Variants in EHBP1 observed in about 807,000 individuals in gnomAD.
The protein encoded by EHBP1 is EH domain-binding protein 1.
In EHBP1, 55 loss-of-function variants were observed where a neutral mutation model predicts 144.0. The ratio of observed to expected loss-of-function variants is 0.38; its 90% CI spans 0.31 to 0.48. EHBP1 has a LOEUF of 0.48. Ranked by LOEUF, EHBP1 falls within the 20% of genes least tolerant of loss-of-function variation. The pLI is 0.98. For missense variants in EHBP1, 1,200 were observed against 1,364.2 expected (o/e 0.88, Z 1.90); for synonymous variants, 469 against 472.7 (o/e 0.99, Z 0.10).
intron 19 of EHBP1, among the ~76,000 whole-genome samples, chr2:63,012,185 A>G (rs978948845): frequency 2.6e-5 from 4 of 152,004 alleles, no homozygotes; most frequent in Non-Finnish European, 5.9e-5. Context: ...AACAGTTAAT[A>G]TTGTAAAACC....
At chr2:62,909,459 G>A (rs538591282) in intron 10 of EHBP1, among the ~76,000 whole-genome samples, 15 of 152,282 alleles carry the variant, frequency 9.9e-5, no homozygotes, top group Admixed American at 8.5e-4. Context: ...CTGGGATTCA[G>A]GTGTGAGCCA....
intron 7 of EHBP1, among the ~76,000 whole-genome samples, chr2:62,838,772 T>C (rs1292457340): frequency 1.4e-5 from 2 of 147,946 alleles, no homozygotes; most frequent in Admixed American, 6.7e-5. Context: ...ACACATACAC[T>C]CTCCCAAGAC....
At chr2:62,727,136 C>T (rs2036888979) in intron 2 of EHBP1, among the ~76,000 whole-genome samples, 1 of 152,226 alleles carries the variant, frequency 6.6e-6, no homozygotes, top group Admixed American at 6.5e-5. Flanking sequence ...GCTGGGATTA[C>T]AGGCGTGAGC....
At chr2:62,814,733 C>T (rs1239761474) in intron 5 of EHBP1, among the ~76,000 whole-genome samples, 3 of 152,130 alleles carry the variant, frequency 2.0e-5, no homozygotes, top group Non-Finnish European at 2.9e-5. Flanking sequence ...AAAGGCATGA[C>T]GTGTTGCATT....
chr2:62,989,081 A>T (rs1362271620), intron 15 of EHBP1, among the ~76,000 whole-genome samples: 2 of 152,156 alleles, frequency 1.3e-5, no homozygotes, highest in East Asian at 3.8e-4. Context: ...TATACTTATA[A>T]TTGTGCAAGT....
chr2:62,884,925 T>C (rs1369541723), intron 10 of EHBP1, among the ~76,000 whole-genome samples: 1 of 152,234 alleles, frequency 6.6e-6, no homozygotes, highest in Non-Finnish European at 1.5e-5. Context: ...GTTAAAATTA[T>C]TAAAGAGTTT....
chr2:62,872,346 A>G (rs1348296012), intron 9 of EHBP1, among the ~76,000 whole-genome samples: 1 of 152,156 alleles, frequency 6.6e-6, no homozygotes, highest in Non-Finnish European at 1.5e-5. Flanking sequence ...CAAGATAAAA[A>G]TAATTGTCTT....
At chr2:63,034,365 G>GA (rs974858707) in intron 19 of EHBP1, among the ~76,000 whole-genome samples, 4 of 150,228 alleles carry the variant, frequency 2.7e-5, no homozygotes, top group South Asian at 4.2e-4. Flanking sequence ...TGGTGAAACT[G>GA]AAAAAAAAAT....
At chr2:63,016,157 A>C (rs1382800497) in intron 19 of EHBP1, among the ~76,000 whole-genome samples, 1 of 152,208 alleles carries the variant, frequency 6.6e-6, no homozygotes, top group Non-Finnish European at 1.5e-5. Flanking sequence ...TTTTTAACAC[A>C]ATTTTCAGAG....
At chr2:63,020,980 ATTTTTTTTTTT>A (rs761382729) in intron 19 of EHBP1, among the ~76,000 whole-genome samples, 4 of 68,572 alleles carry the variant, frequency 5.8e-5, no homozygotes, top group African/African-American at 1.2e-4. Flanking sequence ...GCCTGGCCTC[ATTTTTTTTTTT>A]TTTTTTTTTT....
At chr2:63,012,169 A>G (rs1272843999) in intron 19 of EHBP1, among the ~76,000 whole-genome samples, 1 of 152,040 alleles carries the variant, frequency 6.6e-6, no homozygotes, top group Non-Finnish European at 1.5e-5. Context: ...GCTCTAATAT[A>G]ATATGAACAG....
rs533087199 is a variant in EHBP1 at position 62,676,183 on chromosome 2, G to A, written c.-296+2100G>A. 3.3e-5 allele frequency among the ~76,000 whole-genome samples: 5 copies of A among 151,726 alleles called. No individual in the cohort carries two copies. In the East Asian group the frequency reaches 9.6e-4, roughly 29 times the overall value. ...AAAATAGAGCTGCCCTCTTCAAAAA[G>A]CATGGTTATGAATACTTTCTTATAA... On this transcript the variant is annotated intron_variant, in intron 1 of 22. Transcript: ENST00000405015.
At chr2:62,887,823 T>C (rs933827991) in intron 10 of EHBP1, among the ~76,000 whole-genome samples, 3 of 152,064 alleles carry the variant, frequency 2.0e-5, no homozygotes, top group African/African-American at 7.2e-5. Context: ...ATAAAGAAGT[T>C]TAGGTACATT....
intron 5 of EHBP1, among the ~76,000 whole-genome samples, chr2:62,790,350 A>G (rs1333615048): frequency 6.6e-6 from 1 of 152,166 alleles, no homozygotes; most frequent in African/African-American, 2.4e-5. Context: ...GTTCTTTGAA[A>G]AAAGCACACA....
Position 62,728,132 on chromosome 2 carries a change from T to G in EHBP1, c.105-19263T>G, listed in dbSNP as rs1433203237. Among the ~76,000 whole-genome samples, 3 of 152,182 alleles carry G rather than the reference T, an allele frequency of 2.0e-5. No individual in the cohort carries two copies. In the East Asian group the frequency reaches 5.8e-4, roughly 29 times the overall value. On this transcript the variant is annotated intron_variant, in intron 2 of 22. Coordinates refer to ENST00000431489, the MANE Select transcript of EHBP1 (RefSeq NM_001142616.3). Reference sequence around the variant, plus strand: ...AATTGTTAAGCATTCTTTCCTGAAGTGGGACACTCCACAACCTCGGTTTGA... The same window carrying G: ...AATTGTTAAGCATTCTTTCCTGAAGGGGGACACTCCACAACCTCGGTTTGA...
chr2:62,957,738 C>T (rs1331560859), intron 14 of EHBP1, among the ~76,000 whole-genome samples: 2 of 144,998 alleles, frequency 1.4e-5, no homozygotes, highest in East Asian at 4.2e-4. Context: ...CTTCGCCTCC[C>T]GGGTTCACAC....
At chr2:62,721,346 C>T (rs989130556) in intron 2 of EHBP1, among the ~76,000 whole-genome samples, 7 of 152,160 alleles carry the variant, frequency 4.6e-5, no homozygotes, top group Non-Finnish European at 7.3e-5. Flanking sequence ...ATGATATCAA[C>T]GTGACTTATC....
chr2:62,731,371 T>G (rs2037583563), intron 2 of EHBP1, among the ~76,000 whole-genome samples: 1 of 152,210 alleles, frequency 6.6e-6, no homozygotes, highest in Admixed American at 6.5e-5. Flanking sequence ...TACAGTTTTA[T>G]TTCTTCCTTT....
At chr2:62,956,401 A>G (rs957115050) in intron 14 of EHBP1, among the ~76,000 whole-genome samples, 2 of 152,208 alleles carry the variant, frequency 1.3e-5, no homozygotes, top group Admixed American at 6.5e-5. Flanking sequence ...GCTCTGTGCC[A>G]TATAGCTAGG....
Sources: gnomAD v4.1 joint callset for allele counts (sites outside exome capture counted in the v4.1 genomes callset) on GRCh38, gnomAD v4.1.1 for gene constraint, MANE v1.5 for transcripts, NCBI Gene and HGNC (gene_info 2026-07-23, HGNC 2026-07-21) for gene names.